Variants in TDRD9 observed in about 807,000 individuals in gnomAD.
The protein encoded by TDRD9 is ATP-dependent RNA helicase TDRD9.
A neutral mutation model predicts 172.6 loss-of-function variants in TDRD9; 124 were observed. That is an observed-to-expected ratio of 0.72 (90% CI 0.62 to 0.83). The LOEUF is 0.83. Ranked by LOEUF, TDRD9 falls within the 40% of genes least tolerant of loss-of-function variation. TDRD9 has a pLI of 0.00. For synonymous variants in TDRD9, 619 were observed against 617.1 expected (o/e 1.00, Z -0.05); for missense variants, 1,479 against 1,714.1 (o/e 0.86, Z 2.42).
chr14:104,014,951 G>T (rs1214800256), intron 21 of TDRD9, 110 bp downstream of exon 21: 6 of 603,740 alleles, frequency 9.9e-6, no homozygotes, highest in Middle Eastern at 2.6e-4. Context: ...AACCTCAAAG[G>T]AGATTTTAGG....
intron 35 of TDRD9, among the ~76,000 whole-genome samples, chr14:104,051,500 C>G (rs2035934679): frequency 1.3e-5 from 2 of 152,204 alleles, no homozygotes; most frequent in African/African-American, 4.8e-5. Flanking sequence ...AATGGTAGTT[C>G]CGTTTTAAGA....
At chr14:104,030,379 T>G (rs568585633) in intron 28 of TDRD9, among the ~76,000 whole-genome samples, 3 of 152,260 alleles carry the variant, frequency 2.0e-5, no homozygotes, top group South Asian at 2.1e-4. Context: ...GTAATCATAC[T>G]ACTCAGGAGG....
intron 1 of TDRD9, among the ~76,000 whole-genome samples, chr14:103,943,683 T>C (rs1424703311): frequency 6.6e-6 from 1 of 152,134 alleles, no homozygotes; most frequent in Non-Finnish European, 1.5e-5. Context: ...TGTCTTTTGC[T>C]AAAGAGTAGA....
chr14:104,019,853 G>A (rs924727983), intron 23 of TDRD9, among the ~76,000 whole-genome samples: 7 of 152,174 alleles, frequency 4.6e-5, no homozygotes. Context: ...TAGAAGGTCA[G>A]AAGAAGACAT....
chr14:103,993,696 T>G (rs2033956321), intron 9 of TDRD9, among the ~76,000 whole-genome samples: 1 of 152,246 alleles, frequency 6.6e-6, no homozygotes, highest in Non-Finnish European at 1.5e-5. Flanking sequence ...TCTTCCCTTC[T>G]TGTATGGATA....
At chr14:104,049,713 G>T in intron 35 of TDRD9, 33 bp downstream of exon 35, 1 of 1,543,048 alleles carries the variant, frequency 6.5e-7, no homozygotes, top group East Asian at 2.4e-5. Flanking sequence ...CATGAGCAGA[G>T]GCCACGTGGA....
intron 7 of TDRD9, among the ~76,000 whole-genome samples, chr14:103,976,242 A>G (rs1214933498): frequency 1.3e-5 from 2 of 151,244 alleles, no homozygotes; most frequent in African/African-American, 4.9e-5. Flanking sequence ...TTGTGTGTAT[A>G]TACTATATTT....
intron 21 of TDRD9, 51 bp from the exon 22 acceptor site, chr14:104,015,930 A>C: frequency 7.5e-7 from 1 of 1,324,948 alleles, no homozygotes; most frequent in Non-Finnish European, 1.1e-6. Flanking sequence ...ATTGGTGAGA[A>C]TAACTGATAA....
At chr14:103,970,240 A>T (rs1425324514) in intron 5 of TDRD9, among the ~76,000 whole-genome samples, 1 of 152,112 alleles carries the variant, frequency 6.6e-6, no homozygotes, top group African/African-American at 2.4e-5. Flanking sequence ...TGGTTGTCAC[A>T]GTGACCTTGG....
intron 5 of TDRD9, among the ~76,000 whole-genome samples, chr14:103,969,454 G>A (rs1379682120): frequency 6.6e-6 from 1 of 152,160 alleles, no homozygotes; most frequent in African/African-American, 2.4e-5. Context: ...TTGTGCTGAG[G>A]AAATGTTCTG....
intron 1 of TDRD9, among the ~76,000 whole-genome samples, chr14:103,938,920 T>A (rs1156465719): frequency 6.6e-6 from 1 of 152,204 alleles, no homozygotes; most frequent in African/African-American, 2.4e-5. Context: ...TCACAGGATA[T>A]GAGTATTAGG....
rs1024151053 is a variant in TDRD9, at chr14:104,033,997, A to G, written c.3547A>G (p.Ile1183Val). ...WIEKESINSVIISDAPEDLHQ... is the reference protein window; with the variant it reads ...WIEKESINSVVISDAPEDLHQ... ...TGAGAAGGAGAGCATCAACTCTGTCATTATCAGTGACGCCCCTGAAGACCT... is the reference window on the plus strand; with the variant it reads ...TGAGAAGGAGAGCATCAACTCTGTCGTTATCAGTGACGCCCCTGAAGACCT... The change falls in exon 31 of 36, where the codon ATT becomes GTT. Residue 1183 changes from isoleucine to valine, a missense_variant. Coordinates refer to ENST00000409874, the MANE Select transcript of TDRD9 (RefSeq NM_153046.3). The G allele has an allele frequency of 1.0e-5, 16 of 1,551,496 alleles. No individual in the cohort carries two copies. Among genetic ancestry groups the G allele is most frequent in the Non-Finnish European group, 1.4e-5 (16 of 1,146,758 alleles).
At chr14:104,005,162 C>T in intron 14 of TDRD9, 112 bp from the exon 15 acceptor site, 27 of 1,063,468 alleles carry the variant, frequency 2.5e-5, no homozygotes, top group Admixed American at 2.0e-4. Context: ...ATTTTTCTTT[C>T]TTCTCTCCTC....
At chr14:104,043,702 T>G (rs1407304148) in intron 34 of TDRD9, among the ~76,000 whole-genome samples, 1 of 152,198 alleles carries the variant, frequency 6.6e-6, no homozygotes, top group Non-Finnish European at 1.5e-5. Flanking sequence ...TCCTGCCTTA[T>G]TATGCCATAG....
chr14:104,008,120 G>T lies in TDRD9; in HGVS notation c.2053-293G>T, dbSNP rs573778580. Among the ~76,000 whole-genome samples the T allele has an allele frequency of 8.5e-5, 13 of 152,180 alleles. No homozygotes were observed. The South Asian group carries it at 2.3e-3, about 27-fold the overall frequency. ...CTCAGCTGTAGTATTTTTCTTGTTG[G>T]TATATAATTTGTCAGACATCTTTTT... On this transcript the variant is annotated intron_variant, in intron 19 of 35. Coordinates refer to ENST00000409874, the MANE Select transcript of TDRD9 (RefSeq NM_153046.3).
intron 34 of TDRD9, among the ~76,000 whole-genome samples, chr14:104,047,908 TC>T (rs2035828425): frequency 6.6e-6 from 1 of 152,324 alleles, no homozygotes; most frequent in African/African-American, 2.4e-5. Context: ...TTCATTGTTA[TC>T]CTATTTTTAA....
At chr14:103,939,410 C>T (rs1219831250) in intron 1 of TDRD9, among the ~76,000 whole-genome samples, 5 of 152,108 alleles carry the variant, frequency 3.3e-5, no homozygotes, top group Non-Finnish European at 5.9e-5. Flanking sequence ...GTGTACTTTT[C>T]GGGGCATTTA....
rs533957367 is a variant in TDRD9 at position 104,050,458 on chromosome 14, AATGTG to A, written c.4047+781_4047+785del. 3.3e-5 allele frequency among the ~76,000 whole-genome samples: 5 copies of A among 152,270 alleles called. No homozygotes were observed. In the South Asian group the frequency reaches 1.0e-3, roughly 32 times the overall value. The stretch of plus-strand genomic sequence containing the variant: ...GTCTGTAGGGCTAGAAATGGAATAA[AATGTG>A]ATTTCAGAGAAAGGAGCCCAAAGGA... On this transcript the variant is annotated intron_variant, in intron 35 of 35. Coordinates refer to ENST00000409874, the MANE Select transcript of TDRD9 (RefSeq NM_153046.3).
intron 9 of TDRD9, among the ~76,000 whole-genome samples, chr14:103,992,086 A>G (rs1185733663): frequency 6.6e-6 from 1 of 152,240 alleles, no homozygotes; most frequent in Non-Finnish European, 1.5e-5. Context: ...CTGTTATTAT[A>G]ACACCGTGAG....
Sources: allele counts gnomAD v4.1 joint callset (sites outside exome capture counted in the v4.1 genomes callset), GRCh38; gene constraint gnomAD v4.1.1; transcripts MANE v1.5; gene names NCBI Gene and HGNC (gene_info 2026-07-23, HGNC 2026-07-21).